KIAA1217: variants seen among roughly 807,000 people sequenced by gnomAD.
KIAA1217 encodes KIAA1217, also known as sickle tail protein homolog.
A neutral mutation model predicts 163.9 loss-of-function variants in KIAA1217; 88 were observed. The observed-to-expected ratio is 0.54, with a 90% CI of 0.45 to 0.64. The LOEUF (loss-of-function observed/expected upper bound fraction) is 0.64, where lower values mean the gene tolerates loss of function less well. Among genes scored for constraint, KIAA1217 ranks in the 30% least tolerant of loss-of-function variants. KIAA1217 has a pLI of 0.00. For missense variants in KIAA1217, 2,372 were observed against 2,475.0 expected (o/e 0.96, Z 0.88); for synonymous variants, 903 against 923.1 (o/e 0.98, Z 0.39).
At chr10:23,729,938 G>A (rs1838381653) in intron 1 of KIAA1217, among the ~76,000 whole-genome samples, 2 of 148,556 alleles carry the variant, frequency 1.3e-5, no homozygotes, top group African/African-American at 5.0e-5. Context: ...GTCTCACTCT[G>A]TCACCCAGGC....
At chr10:24,159,436 G>C (rs1384833707) in intron 2 of KIAA1217, among the ~76,000 whole-genome samples, 1 of 152,062 alleles carries the variant, frequency 6.6e-6, no homozygotes, top group African/African-American at 2.4e-5. Context: ...CCACTCCTAG[G>C]ATTCACTTAA....
intron 1 of KIAA1217, among the ~76,000 whole-genome samples, chr10:23,981,883 A>G (rs1845780690): frequency 6.6e-6 from 1 of 152,092 alleles, no homozygotes; most frequent in Non-Finnish European, 1.5e-5. Context: ...GAAAATTAGT[A>G]CAGCTGAGTT....
At chr10:24,346,342 G>A (rs1311784231) in intron 2 of KIAA1217, among the ~76,000 whole-genome samples, 2 of 151,640 alleles carry the variant, frequency 1.3e-5, no homozygotes, top group Admixed American at 6.6e-5. Flanking sequence ...CATGGTGGCG[G>A]GCACCTGCAG....
chr10:24,406,392 AACACACACACAC>A (rs34564889), intron 3 of KIAA1217, among the ~76,000 whole-genome samples: 1 of 133,808 alleles, frequency 7.5e-6, no homozygotes, highest in Admixed American at 7.3e-5. Flanking sequence ...TTCACACACA[AACACACACACAC>A]ACACACACAC....
intron 5 of KIAA1217, 93 bp downstream of exon 5, chr10:24,438,572 T>C: frequency 1.2e-6 from 1 of 848,922 alleles, no homozygotes; most frequent in South Asian, 1.4e-5. Flanking sequence ...ACTCTACAAC[T>C]GAGTTTTGGA....
chr10:24,031,063 T>C (rs1458468862), intron 2 of KIAA1217, among the ~76,000 whole-genome samples: 2 of 152,198 alleles, frequency 1.3e-5, no homozygotes, highest in Non-Finnish European at 2.9e-5. Context: ...ATTGCTGCAT[T>C]TTATGGTAAT....
intron 2 of KIAA1217, among the ~76,000 whole-genome samples, chr10:24,296,041 G>A (rs745607086): frequency 6.6e-6 from 1 of 152,180 alleles, no homozygotes; most frequent in Non-Finnish European, 1.5e-5. Flanking sequence ...TCACCTGTGA[G>A]CTTGCTCAAA....
At chr10:24,493,960 G>A (rs971866503) in intron 6 of KIAA1217, among the ~76,000 whole-genome samples, 12 of 152,016 alleles carry the variant, frequency 7.9e-5, no homozygotes, top group Admixed American at 5.2e-4. Flanking sequence ...GCGCCCGGCC[G>A]GGTTTCAGTC....
At chr10:24,178,472 A>AGG (rs1382109255) in intron 2 of KIAA1217, among the ~76,000 whole-genome samples, 2 of 152,238 alleles carry the variant, frequency 1.3e-5, no homozygotes, top group Non-Finnish European at 2.9e-5. Flanking sequence ...GGATTTACTC[A>AGG]GGGTGAAATT....
intron 2 of KIAA1217, among the ~76,000 whole-genome samples, chr10:24,335,667 TG>T (rs1175862621): frequency 6.6e-6 from 1 of 151,616 alleles, no homozygotes; most frequent in Non-Finnish European, 1.5e-5. Context: ...TGGAGTGCAG[TG>T]GCAAGATCAT....
At chr10:23,974,845 T>A (rs79250528) in intron 1 of KIAA1217, among the ~76,000 whole-genome samples, 2,245 of 151,870 alleles carry the variant, frequency 0.015, 53 homozygotes, top group African/African-American at 0.05. Context: ...CCCTACTTTA[T>A]AATATGAAAG....
chr10:24,482,333 C>A (rs1592281808), intron 6 of KIAA1217: 1 of 152,336 alleles, frequency 6.6e-6, no homozygotes, highest in East Asian at 1.9e-4. Flanking sequence ...AGACCAGAAA[C>A]TTAAGCCAGA....
chr10:23,831,976 A>T (rs1838224554), intron 1 of KIAA1217, among the ~76,000 whole-genome samples: 1 of 152,082 alleles, frequency 6.6e-6, no homozygotes, highest in Admixed American at 6.6e-5. Context: ...CTGTGACCAG[A>T]TGTGTGCAGA....
chr10:24,055,433 C>T (rs886120521), intron 2 of KIAA1217, among the ~76,000 whole-genome samples: 7 of 152,182 alleles, frequency 4.6e-5, no homozygotes, highest in African/African-American at 1.4e-4. Flanking sequence ...CAAGTATCCA[C>T]AAATATTTCT....
chr10:24,002,498 T>C (rs559437418), intron 1 of KIAA1217, among the ~76,000 whole-genome samples: 4 of 152,260 alleles, frequency 2.6e-5, no homozygotes, highest in Admixed American at 2.6e-4. Context: ...GCCCAGTGGG[T>C]CCACCAGAGG....
chr10:24,180,317 C>T (rs895648096), intron 2 of KIAA1217, among the ~76,000 whole-genome samples: 2 of 142,316 alleles, frequency 1.4e-5, no homozygotes, highest in Admixed American at 7.2e-5. Flanking sequence ...GACAGGGTCT[C>T]GCTCTGTCAC....
chr10:23,926,767 T>C (rs1304395016), intron 1 of KIAA1217, among the ~76,000 whole-genome samples: 1 of 118,928 alleles, frequency 8.4e-6, no homozygotes, highest in Non-Finnish European at 1.8e-5. Context: ...ATAAAGTGCC[T>C]GGAAAATTGT....
At position 24,544,080 on chromosome 10, in the gene KIAA1217, G is replaced by C; in HGVS notation, c.4810G>C (p.Val1604Leu). ...KTGKKTLQVV[V>L]YEEEEEDGTL... Reference sequence around the variant, plus strand: ...AGGGAAGAAGACTTTGCAAGTGGTAGTCTATGAAGAAGAGGAAGAGGATGG... The same window carrying C: ...AGGGAAGAAGACTTTGCAAGTGGTACTCTATGAAGAAGAGGAAGAGGATGG... The change falls in exon 19 of 21, where the codon GTC becomes CTC. Residue 1604 changes from valine to leucine, a missense_variant. Val to Leu is a conservative substitution (Grantham distance 32, BLOSUM62 1). Transcript: ENST00000376454. The C allele has an allele frequency of 1.2e-6, 2 of 1,614,152 alleles. No individual in the cohort carries two copies. Among genetic ancestry groups the C allele is most frequent in the East Asian group, 4.5e-5 (2 of 44,870 alleles).
In KIAA1217 at chr10:24,424,791, C is replaced by T. The variant is rs533141661; in HGVS notation, c.554-8204C>T. 9.9e-5 allele frequency among the ~76,000 whole-genome samples: 15 copies of T among 152,174 alleles called. No homozygotes were observed. The South Asian group carries it at 3.1e-3, about 32-fold the overall frequency. ...CTAATTTTTGTATTTTTAGTAGAGA[C>T]GGGGTTTCACCATGTTGCCCAGGAT... On this transcript the variant is annotated intron_variant, in intron 3 of 20. Transcript: ENST00000376454.
Sources: gnomAD v4.1 joint callset for allele counts (sites outside exome capture counted in the v4.1 genomes callset) on GRCh38, gnomAD v4.1.1 for gene constraint, MANE v1.5 for transcripts, NCBI Gene and HGNC (gene_info 2026-07-23, HGNC 2026-07-21) for gene names.